ADAMTSL3: variants seen among roughly 807,000 people sequenced by gnomAD.
The protein encoded by ADAMTSL3 is ADAMTS-like protein 3.
ADAMTSL3 carries 128 observed loss-of-function variants against 201.7 expected under a neutral mutation model. The ratio of observed to expected loss-of-function variants is 0.63; its 90% CI spans 0.55 to 0.73. The LOEUF (loss-of-function observed/expected upper bound fraction) is 0.73. ADAMTSL3 is among the 30% of genes least tolerant of loss of function. ADAMTSL3 has a pLI of 0.00. For missense variants in ADAMTSL3, 1,990 were observed against 2,119.6 expected, an observed-to-expected ratio of 0.94 and a Z score of 1.20; for synonymous variants, 738 against 748.4, an observed-to-expected ratio of 0.99 and a Z score of 0.23.
chr15:83,974,402 G>A (rs1425404560), intron 20 of ADAMTSL3, among the ~76,000 whole-genome samples: 2 of 152,114 alleles, frequency 1.3e-5, no homozygotes, highest in East Asian at 1.9e-4. Context: ...AAAGTGCTTC[G>A]AATCAATGCC....
chr15:83,720,442 T>G (rs1030625509), intron 3 of ADAMTSL3, among the ~76,000 whole-genome samples: 1 of 152,206 alleles, frequency 6.6e-6, no homozygotes, highest in Non-Finnish European at 1.5e-5. Context: ...ATAATCATAT[T>G]CAATTAAGTT....
At chr15:83,890,326 G>C in intron 11 of ADAMTSL3, 79 bp downstream of exon 11, 1 of 1,520,540 alleles carries the variant, frequency 6.6e-7, no homozygotes, top group Non-Finnish European at 8.8e-7. Flanking sequence ...ATCTTTGCAG[G>C]GCAATACATT....
At chr15:83,857,533 A>G (rs2064764694) in intron 7 of ADAMTSL3, among the ~76,000 whole-genome samples, 1 of 152,120 alleles carries the variant, frequency 6.6e-6, no homozygotes, top group African/African-American at 2.4e-5. Context: ...AATCTTTCCC[A>G]TATTGATGGA....
At chr15:83,664,674 T>C (rs953251391) in intron 2 of ADAMTSL3, among the ~76,000 whole-genome samples, 9 of 152,202 alleles carry the variant, frequency 5.9e-5, no homozygotes, top group African/African-American at 2.2e-4. Context: ...GAGTATGAGA[T>C]AATGATGAAC....
rs1396199568 is a variant in ADAMTSL3, at chr15:84,025,401, G to A, written c.4621G>A (p.Gly1541Ser). The A allele has an allele frequency of 1.2e-6, 2 of 1,613,970 alleles. No individual in the cohort carries two copies. The highest frequency in any genetic ancestry group is 1.7e-6 in the Non-Finnish European group (2 of 1,179,974). The change falls in exon 27 of 30, where the codon GGT becomes AGT. Residue 1541 changes from glycine (G) to serine (S), a missense_variant. Transcript: ENST00000286744. ...DRPLGRKPCF[G>S]HPCVQWEPGN... is the part of the protein sequence containing the mutation. ...GCCTCTGGGAAGAAAACCATGTTTT[G>A]GTCATCCATGTGTTCAGTGGGAACC...
chr15:84,036,497 G>T (rs1157599589), intron 28 of ADAMTSL3, among the ~76,000 whole-genome samples: 1 of 152,146 alleles, frequency 6.6e-6, no homozygotes, highest in African/African-American at 2.4e-5. Context: ...CCTTGACTTG[G>T]TGTTGGAAGT....
chr15:83,994,586 G>GTTTTT (rs3045402), intron 23 of ADAMTSL3, among the ~76,000 whole-genome samples: 11 of 50,226 alleles, frequency 2.2e-4, no homozygotes, highest in African/African-American at 7.8e-4. Context: ...TTGTTTTTTC[G>GTTTTT]TTTTTTTTTT....
chr15:83,658,060 C>T (rs139505347), intron 2 of ADAMTSL3, among the ~76,000 whole-genome samples: 179 of 152,334 alleles, frequency 1.2e-3, no homozygotes, highest in African/African-American at 4.2e-3. Context: ...TGAGGCTGAG[C>T]TGTGAGGAGC....
At chr15:83,863,240 G>A (rs1451772513) in intron 8 of ADAMTSL3, among the ~76,000 whole-genome samples, 1 of 152,086 alleles carries the variant, frequency 6.6e-6, no homozygotes, top group Non-Finnish European at 1.5e-5. Context: ...GGATATCCAG[G>A]AATTGAACTC....
At chr15:83,728,385 G>T (rs1339240225) in intron 3 of ADAMTSL3, among the ~76,000 whole-genome samples, 2 of 150,868 alleles carry the variant, frequency 1.3e-5, no homozygotes, top group African/African-American at 4.9e-5. Context: ...ATGGACTTTT[G>T]CCATTTTGTT....
intron 4 of ADAMTSL3, among the ~76,000 whole-genome samples, chr15:83,776,704 C>T (rs773829891): frequency 1.9e-4 from 28 of 151,264 alleles, no homozygotes; most frequent in African/African-American, 2.9e-4. Context: ...GCAATAAGGG[C>T]GAAACTCCGT....
intron 19 of ADAMTSL3, among the ~76,000 whole-genome samples, chr15:83,956,117 G>A (rs2066857502): frequency 6.6e-6 from 1 of 152,276 alleles, no homozygotes; most frequent in Middle Eastern, 3.4e-3. Flanking sequence ...CTTCCCCTCT[G>A]GCTAGGGCTG....
intron 27 of ADAMTSL3, among the ~76,000 whole-genome samples, chr15:84,027,348 A>G (rs930418425): frequency 6.6e-6 from 1 of 152,248 alleles, no homozygotes; most frequent in African/African-American, 2.4e-5. Flanking sequence ...GATCTATTAT[A>G]TGACCCAGAA....
At chr15:83,831,357 G>A (rs1268260200) in intron 6 of ADAMTSL3, among the ~76,000 whole-genome samples, 1 of 152,112 alleles carries the variant, frequency 6.6e-6, no homozygotes, top group Admixed American at 6.5e-5. Flanking sequence ...GGGATGATGA[G>A]CATAAACCCC....
intron 2 of ADAMTSL3, among the ~76,000 whole-genome samples, chr15:83,680,634 A>C (rs74679101): frequency 0.071 from 10,664 of 150,926 alleles, 585 homozygotes; most frequent in East Asian, 0.18. Flanking sequence ...TAGATATTGT[A>C]CTGTTTAATC....
At chr15:83,995,951 G>A (rs897648172) in intron 23 of ADAMTSL3, among the ~76,000 whole-genome samples, 3 of 152,134 alleles carry the variant, frequency 2.0e-5, no homozygotes, top group African/African-American at 2.4e-5. Context: ...GGAGCCCACA[G>A]CAGATTCAAG....
Position 83,708,161 on chromosome 15 carries a change from G to A in ADAMTSL3, c.189+3653G>A, listed in dbSNP as rs371903792. On this transcript the variant is annotated intron_variant, in intron 3 of 29. Transcript: ENST00000286744. ...GCTGTCACAGTGGCTTGAAGCCAGA[G>A]TGACAAAGTACTTATGCAATTGAGG... 1.9e-4 allele frequency among the ~76,000 whole-genome samples: 29 copies of A among 152,294 alleles called. No homozygotes were observed. In the South Asian group the frequency reaches 6.0e-3, roughly 32 times the overall value.
intron 2 of ADAMTSL3, among the ~76,000 whole-genome samples, chr15:83,664,833 T>C (rs555377532): frequency 6.6e-6 from 1 of 152,226 alleles, no homozygotes; most frequent in South Asian, 2.1e-4. Flanking sequence ...TGTAAAAAAT[T>C]AGCTGGTTAT....
intron 2 of ADAMTSL3, among the ~76,000 whole-genome samples, chr15:83,669,800 T>C (rs1412493180): frequency 6.6e-6 from 1 of 151,904 alleles, no homozygotes; most frequent in African/African-American, 2.4e-5. Context: ...TAATCTACTC[T>C]ACTGTTGTGG....
Sources: gnomAD v4.1 joint callset for allele counts (sites outside exome capture counted in the v4.1 genomes callset) on GRCh38, gnomAD v4.1.1 for gene constraint, MANE v1.5 for transcripts, NCBI Gene and HGNC (gene_info 2026-07-23, HGNC 2026-07-21) for gene names.